MICU1: variants seen among roughly 807,000 people sequenced by gnomAD.
MICU1 encodes mitochondrial calcium uptake 1.
In MICU1, 45 loss-of-function variants were observed where a neutral mutation model predicts 56.8. The observed-to-expected ratio is 0.79, with a 90% CI of 0.62 to 1.02. MICU1 has a LOEUF of 1.02. Ranked by LOEUF, MICU1 falls within the 50% of genes least tolerant of loss-of-function variation. The pLI is 0.00. For synonymous variants in MICU1, 186 were observed against 195.1 expected (o/e 0.95, Z 0.39); for missense variants, 504 against 587.1 (o/e 0.86, Z 1.46).
intron 8 of MICU1, among the ~76,000 whole-genome samples, chr10:72,434,889 A>G (rs2132166033): frequency 6.6e-6 from 1 of 152,258 alleles, no homozygotes; most frequent in Admixed American, 6.5e-5. Flanking sequence ...TAGCTTGTTC[A>G]TATACTCAAC....
intron 8 of MICU1, among the ~76,000 whole-genome samples, chr10:72,432,002 T>C (rs1012035301): frequency 9.9e-5 from 15 of 152,144 alleles, no homozygotes; most frequent in African/African-American, 2.7e-4. Context: ...GAATTTTTTA[T>C]GTTGTCTATT....
At chr10:72,551,995 T>C (rs1156648671) in intron 3 of MICU1, among the ~76,000 whole-genome samples, 1 of 152,148 alleles carries the variant, frequency 6.6e-6, no homozygotes, top group Non-Finnish European at 1.5e-5. Context: ...TGTAATTTCC[T>C]AATTCCTAAA....
chr10:72,621,100 G>A lies in MICU1; in HGVS notation c.-2+4910C>T, dbSNP rs539047325. On this transcript the variant is annotated intron_variant, in intron 1 of 11. Transcript: ENST00000361114. ...TTTAATGATGAACCACCAGAATAAG[G>A]CATAAAGATACAAAACTAGTGTTAA... 1.9e-4 allele frequency among the ~76,000 whole-genome samples: 29 copies of A among 152,218 alleles called. No homozygotes were observed. In the South Asian group the frequency reaches 6.0e-3, roughly 32 times the overall value.
At chr10:72,556,516 T>A (rs1458437227) in intron 3 of MICU1, among the ~76,000 whole-genome samples, 1 of 151,692 alleles carries the variant, frequency 6.6e-6, no homozygotes, top group Non-Finnish European at 1.5e-5. Context: ...AATTTTGTAT[T>A]TTTAGTAGAG....
Position 72,461,899 on chromosome 10 carries a change from G to A in MICU1, c.933+13201C>T, listed in dbSNP as rs536057745. On this transcript the variant is annotated intron_variant, in intron 8 of 11. Transcript: ENST00000361114. ...AGGGAGGCGGAGGTTGCAGTGAGCC[G>A]AGATCATGTCACTGCACTCCAGCCT... Among the ~76,000 whole-genome samples, 35 of 152,260 alleles carry A rather than the reference G, an allele frequency of 2.3e-4. No individual in the cohort carries two copies. In the South Asian group the frequency reaches 6.8e-3, roughly 30 times the overall value.
At chr10:72,623,021 CA>C (rs1842139856) in intron 1 of MICU1, among the ~76,000 whole-genome samples, 1 of 152,094 alleles carries the variant, frequency 6.6e-6, no homozygotes, top group African/African-American at 2.4e-5. Flanking sequence ...CTAATCCCAG[CA>C]ATTTGGGAGG....
intron 8 of MICU1, among the ~76,000 whole-genome samples, chr10:72,455,347 T>G (rs1865425881): frequency 1.5e-5 from 1 of 64,762 alleles, no homozygotes; most frequent in Non-Finnish European, 2.8e-5. Context: ...CAAGACTCTG[T>G]CTCAAAAAAA....
At chr10:72,459,342 C>CAAAACCAA (rs894808406) in intron 8 of MICU1, among the ~76,000 whole-genome samples, 1 of 152,206 alleles carries the variant, frequency 6.6e-6, no homozygotes, top group East Asian at 1.9e-4. Flanking sequence ...AAAACAAAAA[C>CAAAACCAA]AAAACCAAAA....
chr10:72,383,600 C>T (rs1862791254), intron 10 of MICU1, among the ~76,000 whole-genome samples: 1 of 152,124 alleles, frequency 6.6e-6, no homozygotes, highest in African/African-American at 2.4e-5. Flanking sequence ...TTTATTTAAC[C>T]AGTTCCTTAT....
intron 6 of MICU1, among the ~76,000 whole-genome samples, chr10:72,498,868 C>T (rs1866938307): frequency 1.3e-5 from 2 of 152,282 alleles, no homozygotes; most frequent in Admixed American, 6.5e-5. Context: ...TCCTGACCAC[C>T]TCGTTCCATA....
chr10:72,422,658 C>T (rs1864213979), intron 9 of MICU1, among the ~76,000 whole-genome samples: 1 of 151,916 alleles, frequency 6.6e-6, no homozygotes, highest in African/African-American at 2.4e-5. Flanking sequence ...TGGTAGACCC[C>T]TCAGTTCTTG....
chr10:72,555,233 C>A (rs777167293), intron 3 of MICU1, among the ~76,000 whole-genome samples: 1 of 152,088 alleles, frequency 6.6e-6, no homozygotes, highest in Non-Finnish European at 1.5e-5. Context: ...CTATGAGGAT[C>A]ATTTTAAAAT....
At chr10:72,381,592 G>C (rs1003580251) in intron 10 of MICU1, among the ~76,000 whole-genome samples, 3 of 152,048 alleles carry the variant, frequency 2.0e-5, no homozygotes, top group African/African-American at 4.8e-5. Context: ...GTTCTGTACG[G>C]TGCTCTTAGG....
chr10:72,381,338 G>C (rs1193219331), intron 10 of MICU1, among the ~76,000 whole-genome samples: 1 of 152,214 alleles, frequency 6.6e-6, no homozygotes, highest in Non-Finnish European at 1.5e-5. Context: ...GGCTGATGCA[G>C]ATGTCTTGTT....
intron 1 of MICU1, among the ~76,000 whole-genome samples, chr10:72,608,203 C>T (rs12772215): frequency 1.3e-5 from 2 of 151,978 alleles, no homozygotes; most frequent in Non-Finnish European, 2.9e-5. Context: ...TGAGTAGCTG[C>T]GATTACAGGC....
chr10:72,561,797 G>A (rs1246318811), intron 3 of MICU1, among the ~76,000 whole-genome samples: 2 of 152,112 alleles, frequency 1.3e-5, no homozygotes, highest in African/African-American at 4.8e-5. Flanking sequence ...GGCAACAGAG[G>A]GAGACTCTGT....
chr10:72,463,307 C>A (rs1478652779), intron 8 of MICU1, among the ~76,000 whole-genome samples: 1 of 152,204 alleles, frequency 6.6e-6, no homozygotes, highest in Non-Finnish European at 1.5e-5. Flanking sequence ...AGGTGATCTG[C>A]CCACCTTGGC....
chr10:72,375,749 G>GT, intron 11 of MICU1, 34 bp downstream of exon 11: 2 of 1,594,296 alleles, frequency 1.3e-6, no homozygotes, highest in Non-Finnish European at 1.7e-6. Flanking sequence ...CAGCTAGGCT[G>GT]TTTCCCCTCC....
rs369928761 is a variant in MICU1, at chr10:72,384,422, CT to C, written c.1181-8551del. ...TATTGATGTAATTCTAGTAATCATT[CT>C]TTTTCTGATCTTTTTCTCAGTGGGA... On this transcript the variant is annotated intron_variant, in intron 10 of 11. Coordinates refer to ENST00000361114, the MANE Select transcript of MICU1 (RefSeq NM_001195518.2). Among the ~76,000 whole-genome samples the C allele has an allele frequency of 4.6e-3, 706 of 152,276 alleles. 4 individuals are homozygous for C. The highest frequency in any genetic ancestry group is 0.016 in the African/African-American group (679 of 41,548).
Sources: gnomAD v4.1 joint callset for allele counts (sites outside exome capture counted in the v4.1 genomes callset) on GRCh38, gnomAD v4.1.1 for gene constraint, MANE v1.5 for transcripts, NCBI Gene and HGNC (gene_info 2026-07-23, HGNC 2026-07-21) for gene names.